Variants in PRELID2 observed in about 807,000 individuals in gnomAD.
The protein encoded by PRELID2 is PRELI domain-containing protein 2.
A neutral mutation model predicts 28.4 loss-of-function variants in PRELID2; 25 were observed. The observed-to-expected ratio is 0.88, with a 90% CI of 0.64 to 1.23. The LOEUF (loss-of-function observed/expected upper bound fraction) is 1.23. Ranked by LOEUF, PRELID2 falls within the 50% of genes most tolerant of loss-of-function variation. PRELID2 has a pLI of 0.00. For missense variants in PRELID2, 201 were observed against 214.4 expected (o/e 0.94, Z 0.39); for synonymous variants, 76 against 71.6 (o/e 1.06, Z -0.31).
At chr5:145,709,994 GT>G (rs1476772646) in intron 1 of PRELID2, among the ~76,000 whole-genome samples, 1 of 152,110 alleles carries the variant, frequency 6.6e-6, no homozygotes, top group African/African-American at 2.4e-5. Context: ...TATTTATGGG[GT>G]TTTTTAAATT....
intron 1 of PRELID2, among the ~76,000 whole-genome samples, chr5:145,711,268 C>G (rs774194159): frequency 6.6e-6 from 1 of 152,096 alleles, no homozygotes; most frequent in Admixed American, 6.5e-5. Flanking sequence ...AAGAATAGGA[C>G]AGTGACCTAC....
At chr5:145,814,682 T>C (rs1479071725) in intron 4 of PRELID2, among the ~76,000 whole-genome samples, 1 of 151,774 alleles carries the variant, frequency 6.6e-6, no homozygotes, top group South Asian at 2.1e-4. Flanking sequence ...AAGTATATAA[T>C]AAAAAATTCA....
chr5:145,252,902 G>C, the PRELID2 span, among the ~76,000 whole-genome samples: 16 of 151,992 alleles, frequency 1.1e-4, no homozygotes, highest in South Asian at 1.2e-3. Flanking sequence ...CAAAAAGAAT[G>C]GTTAAAATGA....
the PRELID2 span, among the ~76,000 whole-genome samples, chr5:145,355,234 G>T: frequency 2.0e-5 from 3 of 151,872 alleles, no homozygotes; most frequent in African/African-American, 7.3e-5. Context: ...AAAATACAAG[G>T]GGTAAAAATA....
the PRELID2 span, among the ~76,000 whole-genome samples, chr5:145,331,738 G>T: frequency 6.6e-6 from 1 of 152,086 alleles, no homozygotes; most frequent in Non-Finnish European, 1.5e-5. Flanking sequence ...GCCAGTCTGT[G>T]TCTTTCAATT....
chr5:145,566,690 A>G (rs1458144157), intron 1 of PRELID2, among the ~76,000 whole-genome samples: 1 of 152,062 alleles, frequency 6.6e-6, no homozygotes, highest in Non-Finnish European at 1.5e-5. Context: ...AAATACAAAA[A>G]TTAGCCAGGT....
At chr5:145,326,541 G>T in the PRELID2 span, among the ~76,000 whole-genome samples, 1 of 152,078 alleles carries the variant, frequency 6.6e-6, no homozygotes, top group Admixed American at 6.6e-5. Flanking sequence ...TTATAGTTTT[G>T]CATTTTATAG....
At chr5:145,396,122 G>A in the PRELID2 span, among the ~76,000 whole-genome samples, 8 of 152,126 alleles carry the variant, frequency 5.3e-5, no homozygotes, top group South Asian at 2.1e-4. Context: ...TTACAAGACC[G>A]CTTAATACTA....
the PRELID2 span, among the ~76,000 whole-genome samples, chr5:145,336,578 A>G: frequency 2.6e-5 from 4 of 152,208 alleles, no homozygotes; most frequent in East Asian, 5.8e-4. Context: ...AAGATCAGAT[A>G]GTTGTAGATA....
At chr5:145,833,273 C>T (rs531458650) in intron 1 of PRELID2, among the ~76,000 whole-genome samples, 1 of 152,216 alleles carries the variant, frequency 6.6e-6, no homozygotes. Context: ...AAGTCACCAT[C>T]TGACACTGCA....
At chr5:145,809,742 G>A (rs575584437) in intron 4 of PRELID2, among the ~76,000 whole-genome samples, 7 of 152,344 alleles carry the variant, frequency 4.6e-5, no homozygotes, top group Middle Eastern at 3.4e-3. Flanking sequence ...TGACAACATC[G>A]TGAATAGGTC....
intron 1 of PRELID2, among the ~76,000 whole-genome samples, chr5:145,540,350 T>C (rs560754181): frequency 8.3e-4 from 127 of 152,122 alleles, no homozygotes; most frequent in Non-Finnish European, 1.5e-3. Context: ...GCCAACCATT[T>C]GATACAGAAT....
Position 145,796,558 on chromosome 5 carries a change from A to C in PRELID2, c.369-11T>G, listed in dbSNP as rs199575086. 2 of 1,552,584 alleles carry C rather than the reference A, an allele frequency of 1.3e-6. No homozygotes were observed. The highest frequency in any genetic ancestry group is 8.8e-7 in the Non-Finnish European group (1 of 1,136,854). On this transcript the variant is annotated splice_polypyrimidine_tract_variant and intron_variant, in intron 4 of 6. Coordinates refer to ENST00000683046, the MANE Select transcript of PRELID2 (RefSeq NM_205846.3). ...TGAATGAACTCTGTCCTGCAAAAAA[A>C]ACAAAAAACACATCTTTGATGTCAT...
intron 1 of PRELID2, among the ~76,000 whole-genome samples, chr5:145,628,731 G>T (rs2149657021): frequency 6.6e-6 from 1 of 152,176 alleles, no homozygotes; most frequent in African/African-American, 2.4e-5. Context: ...TATGATCTGT[G>T]GTTATTAACT....
chr5:145,296,158 A>C, the PRELID2 span, among the ~76,000 whole-genome samples: 3 of 151,858 alleles, frequency 2.0e-5, no homozygotes, highest in African/African-American at 7.2e-5. Flanking sequence ...CTTCCATTGT[A>C]GCAGGTTTTT....
the PRELID2 span, among the ~76,000 whole-genome samples, chr5:145,297,260 C>G: frequency 6.6e-6 from 1 of 151,968 alleles, no homozygotes; most frequent in Non-Finnish European, 1.5e-5. Flanking sequence ...GACATGAAGT[C>G]CTTGCCCATG....
At chr5:145,713,528 T>G (rs2149711837) in intron 1 of PRELID2, among the ~76,000 whole-genome samples, 1 of 143,844 alleles carries the variant, frequency 7.0e-6, no homozygotes, top group Non-Finnish European at 1.5e-5. Flanking sequence ...AATTACATTT[T>G]TAAAGTGCTT....
intron 1 of PRELID2, among the ~76,000 whole-genome samples, chr5:145,537,477 A>C (rs972814074): frequency 1.6e-4 from 24 of 152,012 alleles, no homozygotes; most frequent in Admixed American, 1.2e-3. Context: ...ATCCTCAGCA[A>C]CACTTGTTTT....
intron 1 of PRELID2, among the ~76,000 whole-genome samples, chr5:145,740,857 C>CATATATATTTATCGATAAATATATGT (rs561214019): frequency 3.1e-5 from 1 of 32,540 alleles, no homozygotes; most frequent in African/African-American, 1.5e-4. Context: ...TATATATGTA[C>CATATATATTTATCGATAAATATATGT]ATATATTTAT....
Sources: gnomAD v4.1 joint callset for allele counts (sites outside exome capture counted in the v4.1 genomes callset) on GRCh38, gnomAD v4.1.1 for gene constraint, MANE v1.5 for transcripts, NCBI Gene and HGNC (gene_info 2026-07-23, HGNC 2026-07-21) for gene names.